The following TMEM163 variants were observed in gnomAD, a reference collection of about 807,000 sequenced individuals.
TMEM163 encodes the protein transmembrane protein 163.
TMEM163 carries 17 observed loss-of-function variants against 29.3 expected under a neutral mutation model. That is an observed-to-expected ratio of 0.58 (90% confidence interval 0.40 to 0.87). The LOEUF is 0.87. Ranked by LOEUF, TMEM163 falls within the 40% of genes least tolerant of loss-of-function variation. The pLI is 0.00. For missense variants in TMEM163, 303 were observed against 381.5 expected (o/e 0.79, Z 1.71); for synonymous variants, 157 against 160.6 (o/e 0.98, Z 0.17).
chr2:134,700,941 A>AATAAATAAATAAATAAATAC (rs371684167), intron 2 of TMEM163, among the ~76,000 whole-genome samples: 5 of 146,368 alleles, frequency 3.4e-5, no homozygotes, highest in African/African-American at 5.1e-5. Context: ...TAAATAAATA[A>AATAAATAAATAAATAAATAC]ATAAATAAAG....
intron 2 of TMEM163, among the ~76,000 whole-genome samples, chr2:134,565,861 G>T (rs1476952538): frequency 6.6e-6 from 1 of 152,224 alleles, no homozygotes; most frequent in Non-Finnish European, 1.5e-5. Context: ...ATCTATGTAT[G>T]ATTTGGTTTG....
chr2:134,481,669 G>A (rs1042355318), intron 5 of TMEM163, among the ~76,000 whole-genome samples: 10 of 152,114 alleles, frequency 6.6e-5, no homozygotes, highest in African/African-American at 2.2e-4. Flanking sequence ...AATGGAGTTG[G>A]GCCGTTGTTG....
chr2:134,658,498 G>A (rs2104856494), intron 2 of TMEM163, among the ~76,000 whole-genome samples: 1 of 152,226 alleles, frequency 6.6e-6, no homozygotes, highest in East Asian at 1.9e-4. Flanking sequence ...TATGAGCAAA[G>A]CAGAGCCTAT....
intron 2 of TMEM163, among the ~76,000 whole-genome samples, chr2:134,692,289 A>G (rs1684486689): frequency 6.6e-6 from 1 of 152,154 alleles, no homozygotes; most frequent in Admixed American, 6.5e-5. Flanking sequence ...GAATAAATAG[A>G]TCTTGTTATT....
intron 4 of TMEM163, among the ~76,000 whole-genome samples, chr2:134,537,712 A>C (rs1680572115): frequency 6.6e-6 from 1 of 152,180 alleles, no homozygotes; most frequent in Non-Finnish European, 1.5e-5. Flanking sequence ...AGCTTGATTC[A>C]TCTGAGTCCC....
intron 5 of TMEM163, among the ~76,000 whole-genome samples, chr2:134,471,733 G>A (rs191503040): frequency 6.6e-4 from 101 of 152,230 alleles, no homozygotes; most frequent in African/African-American, 2.3e-3. Context: ...CTCAAGGTGC[G>A]GCCGCACCTA....
intron 4 of TMEM163, among the ~76,000 whole-genome samples, chr2:134,511,350 C>T (rs581457): frequency 0.35 from 52,891 of 151,932 alleles, 9,733 homozygotes; most frequent in South Asian, 0.59. Flanking sequence ...ACGAGGCCAA[C>T]GTGGCTGGAA....
chr2:134,458,318 G>A, intron 6 of TMEM163, 145 bp from the exon 7 acceptor site: 1 of 903,944 alleles, frequency 1.1e-6, no homozygotes, highest in Non-Finnish European at 1.7e-6. Context: ...CCACCACCTG[G>A]GCCCATCAAG....
chr2:134,712,964 G>A (rs1255380726), intron 2 of TMEM163, among the ~76,000 whole-genome samples: 2 of 151,932 alleles, frequency 1.3e-5, no homozygotes, highest in African/African-American at 2.4e-5. Flanking sequence ...CCGCAAGCCC[G>A]CATACTGATG....
At chr2:134,464,394 G>A (rs977946404) in intron 6 of TMEM163, among the ~76,000 whole-genome samples, 1 of 152,178 alleles carries the variant, frequency 6.6e-6, no homozygotes, top group South Asian at 2.1e-4. Flanking sequence ...AATCTTCGGG[G>A]TGGGCCCAGG....
intron 2 of TMEM163, among the ~76,000 whole-genome samples, chr2:134,583,724 G>A (rs1378962814): frequency 1.3e-5 from 2 of 152,010 alleles, no homozygotes; most frequent in African/African-American, 4.8e-5. Context: ...TGACCTCATG[G>A]TCCCCTCCCC....
At chr2:134,539,160 A>T (rs75224099) in intron 4 of TMEM163, among the ~76,000 whole-genome samples, 2,535 of 152,260 alleles carry the variant, frequency 0.017, 90 homozygotes, top group African/African-American at 0.057. Flanking sequence ...GGTAGGAACG[A>T]TGATAAGCCA....
chr2:134,607,041 G>A (rs1682389950), intron 2 of TMEM163, among the ~76,000 whole-genome samples: 1 of 139,508 alleles, frequency 7.2e-6, no homozygotes, highest in African/African-American at 2.7e-5. Context: ...TGGTGAAAAG[G>A]ACAGACCCCG....
chr2:134,702,805 G>T (rs1684731996), intron 2 of TMEM163, among the ~76,000 whole-genome samples: 1 of 152,072 alleles, frequency 6.6e-6, no homozygotes, highest in Non-Finnish European at 1.5e-5. Flanking sequence ...ATATAAAGGT[G>T]ATTAAATTTC....
At chr2:134,478,400 C>T (rs753914861) in intron 5 of TMEM163, among the ~76,000 whole-genome samples, 33 of 152,206 alleles carry the variant, frequency 2.2e-4, no homozygotes, top group Admixed American at 7.8e-4. Flanking sequence ...CCATAATGCT[C>T]ATAAAAATAT....
At chr2:134,536,251 T>TGGGAAAACAACTTCCTTCTGGGCTGCA (rs1680538156) in intron 4 of TMEM163, among the ~76,000 whole-genome samples, 1 of 152,054 alleles carries the variant, frequency 6.6e-6, no homozygotes, top group Admixed American at 6.5e-5. Flanking sequence ...CCTCTCAGAT[T>TGGGAAAACAACTTCCTTCTGGGCTGCA]GGGAAAACAA....
chr2:134,593,197 G>C (rs1479172923), intron 2 of TMEM163, among the ~76,000 whole-genome samples: 1 of 152,194 alleles, frequency 6.6e-6, no homozygotes. Context: ...GGAAAGGAGA[G>C]GGCAGGATTT....
intron 4 of TMEM163, among the ~76,000 whole-genome samples, chr2:134,513,981 C>T (rs1383858179): frequency 2.0e-5 from 3 of 152,220 alleles, no homozygotes; most frequent in Non-Finnish European, 4.4e-5. Flanking sequence ...GGCTGTCTTT[C>T]CCCGAGCCAG....
chr2:134,468,715 C>T (rs1040192808), intron 5 of TMEM163: 1 of 152,278 alleles, frequency 6.6e-6, no homozygotes, highest in Non-Finnish European at 1.5e-5. Flanking sequence ...TCTGTGCTTA[C>T]CCCATCTAGG....
Sources: gnomAD v4.1 joint callset for allele counts (sites outside exome capture counted in the v4.1 genomes callset) on GRCh38, gnomAD v4.1.1 for gene constraint, MANE v1.5 for transcripts, NCBI Gene and HGNC (gene_info 2026-07-23, HGNC 2026-07-21) for gene names.